GBE1: variants seen among roughly 807,000 people sequenced by gnomAD.
GBE1 encodes the protein 1,4-alpha-glucan branching enzyme 1.
A neutral mutation model predicts 88.8 loss-of-function variants in GBE1; 70 were observed. The ratio of observed to expected loss-of-function variants is 0.79; its 90% confidence interval spans 0.65 to 0.96. The LOEUF is 0.96. GBE1 is among the 40% of genes least tolerant of loss of function. The pLI is 0.00. For synonymous variants in GBE1, 284 were observed against 300.1 expected (o/e 0.95, Z 0.56); for missense variants, 872 against 871.0 (o/e 1.00, Z -0.01).
chr3:81,587,748 G>C (rs369141159), intron 9 of GBE1, among the ~76,000 whole-genome samples: 1 of 152,100 alleles, frequency 6.6e-6, no homozygotes, highest in African/African-American at 2.4e-5. Flanking sequence ...GAGTGAATGA[G>C]TGAGGTGCTC....
chr3:81,612,756 G>C (rs573340405), intron 7 of GBE1: 1 of 448,768 alleles, frequency 2.2e-6, no homozygotes, highest in African/African-American at 2.0e-5. Context: ...GCCTGCAGGA[G>C]CAGATGTCTC....
chr3:81,734,631 T>C (rs973001090), intron 1 of GBE1, among the ~76,000 whole-genome samples: 4 of 152,160 alleles, frequency 2.6e-5, no homozygotes, highest in African/African-American at 9.6e-5. Context: ...CATATCTAGA[T>C]GGTCAAGGTC....
intron 1 of GBE1, among the ~76,000 whole-genome samples, chr3:81,748,481 G>A (rs1029406312): frequency 2.6e-5 from 4 of 151,628 alleles, no homozygotes; most frequent in Non-Finnish European, 4.4e-5. Flanking sequence ...TGTGGTGGCG[G>A]GCGCCTGTAG....
In GBE1 at chr3:81,752,803, G is replaced by C. The variant is rs144663588; in HGVS notation, c.143+8572C>G. Among the ~76,000 whole-genome samples the C allele has an allele frequency of 1.8e-4, 27 of 152,242 alleles. No homozygotes were observed. The East Asian group carries it at 5.2e-3, about 29-fold the overall frequency. The stretch of plus-strand genomic sequence containing the variant: ...AGGCACAGTTAACTAGCAAAACAAA[G>C]AGTTGTGGGGAATTTCTGGTCATGG... On this transcript the variant is annotated intron_variant, in intron 1 of 15. Coordinates refer to ENST00000429644, the MANE Select transcript of GBE1 (RefSeq NM_000158.4).
intron 14 of GBE1, among the ~76,000 whole-genome samples, chr3:81,528,524 G>T (rs55804849): frequency 6.6e-6 from 1 of 152,026 alleles, no homozygotes; most frequent in Non-Finnish European, 1.5e-5. Context: ...TACATCTCAG[G>T]TTTCTTTGTT....
At chr3:81,688,343 G>A (rs1576200217) in intron 2 of GBE1, among the ~76,000 whole-genome samples, 1 of 152,276 alleles carries the variant, frequency 6.6e-6, no homozygotes, top group East Asian at 1.9e-4. Flanking sequence ...GCTTTCTGAA[G>A]GTAGGGATCA....
intron 7 of GBE1, among the ~76,000 whole-genome samples, chr3:81,606,675 C>G (rs1334600110): frequency 6.6e-6 from 1 of 152,188 alleles, no homozygotes; most frequent in Admixed American, 6.5e-5. Context: ...AATTCTCTTC[C>G]CTTGAGTCAG....
intron 6 of GBE1, among the ~76,000 whole-genome samples, chr3:81,644,420 G>A (rs1704737498): frequency 6.6e-6 from 1 of 152,134 alleles, no homozygotes; most frequent in Non-Finnish European, 1.5e-5. Flanking sequence ...CAGACAGAAA[G>A]GAACAGCAGG....
intron 8 of GBE1, among the ~76,000 whole-genome samples, chr3:81,592,691 A>C (rs1227171990): frequency 6.6e-6 from 1 of 151,700 alleles, no homozygotes; most frequent in Non-Finnish European, 1.5e-5. Flanking sequence ...CATATCCATA[A>C]ACTTTGGTTC....
chr3:81,754,113 G>A (rs1426761669), intron 1 of GBE1, among the ~76,000 whole-genome samples: 1 of 152,138 alleles, frequency 6.6e-6, no homozygotes, highest in East Asian at 1.9e-4. Context: ...CAGTGAAGTT[G>A]CAGAATACAA....
intron 7 of GBE1, among the ~76,000 whole-genome samples, chr3:81,601,682 A>G (rs1704034392): frequency 6.6e-6 from 1 of 152,214 alleles, no homozygotes; most frequent in African/African-American, 2.4e-5. Context: ...AATATTACAT[A>G]TAAATTACAT....
At chr3:81,652,185 G>T (rs965519593) in intron 3 of GBE1, among the ~76,000 whole-genome samples, 1 of 152,230 alleles carries the variant, frequency 6.6e-6, no homozygotes, top group Non-Finnish European at 1.5e-5. Flanking sequence ...TGAACCCAAC[G>T]TGTGAGCAGC....
At chr3:81,490,823 T>A (rs1315175123) in intron 15 of GBE1, among the ~76,000 whole-genome samples, 1 of 152,122 alleles carries the variant, frequency 6.6e-6, no homozygotes, top group Non-Finnish European at 1.5e-5. Context: ...AAAAGCAATA[T>A]ACAAGGCACT....
chr3:81,604,382 G>A (rs1241189590), intron 7 of GBE1, among the ~76,000 whole-genome samples: 1 of 148,914 alleles, frequency 6.7e-6, no homozygotes, highest in Non-Finnish European at 1.5e-5. Flanking sequence ...GGACCTCCTG[G>A]GCTCAAGTTA....
At position 81,581,242 on chromosome 3, in the gene GBE1, T is replaced by C. The variant is rs746293580; in HGVS notation, c.1369A>G (p.Met457Val). 5.0e-6 allele frequency: 8 copies of C among 1,600,664 alleles called. No homozygotes were observed. The highest frequency in any genetic ancestry group is 3.4e-5 in the South Asian group (3 of 87,390). ...LKEFKDEDWN[M>V]GDIVYTLTNR... ...GTGAGCGTGTATACTATATCGCCCA[T>C]GTTCCAGTCTTCATCTTTAAACTCT... The change falls in exon 11 of 16, where the codon ATG becomes GTG. Residue 457 changes from methionine (M) to valine (V), a missense_variant. Met to Val is a conservative substitution (Grantham distance 21). Transcript: ENST00000429644.
chr3:81,650,111 A>G, intron 3 of GBE1, 190 bp from the exon 4 acceptor site: 2 of 427,454 alleles, frequency 4.7e-6, no homozygotes, highest in Non-Finnish European at 8.3e-6. Flanking sequence ...TTACTATATC[A>G]TCCTTAAAGT....
At chr3:81,738,142 C>T (rs1413928831) in intron 1 of GBE1, among the ~76,000 whole-genome samples, 3 of 151,488 alleles carry the variant, frequency 2.0e-5, no homozygotes, top group African/African-American at 4.9e-5. Flanking sequence ...TTTCTTAATC[C>T]AGTCTATCAT....
chr3:81,514,173 G>A (rs770507363), intron 14 of GBE1, among the ~76,000 whole-genome samples: 1 of 150,978 alleles, frequency 6.6e-6, no homozygotes, highest in African/African-American at 2.4e-5. Flanking sequence ...TAATAGGGAG[G>A]CTGGCAAAGT....
intron 7 of GBE1, among the ~76,000 whole-genome samples, chr3:81,613,275 C>T (rs1464485060): frequency 3.3e-5 from 5 of 151,730 alleles, no homozygotes; most frequent in African/African-American, 1.2e-4. Flanking sequence ...AGAGTCTCTA[C>T]CCCTTTCTGT....
Sources: allele counts gnomAD v4.1 joint callset (sites outside exome capture counted in the v4.1 genomes callset), GRCh38; gene constraint gnomAD v4.1.1; transcripts MANE v1.5; gene names NCBI Gene and HGNC (gene_info 2026-07-23, HGNC 2026-07-21).